Variants in HPSE2 observed in about 807,000 individuals in gnomAD.
HPSE2 encodes inactive heparanase-2.
In HPSE2, 38 loss-of-function variants were observed where a neutral mutation model predicts 60.5. That is an observed-to-expected ratio of 0.63 (90% confidence interval 0.48 to 0.82). The LOEUF (loss-of-function observed/expected upper bound fraction) is 0.82. Ranked by LOEUF, HPSE2 falls within the 40% of genes least tolerant of loss-of-function variation. The pLI is 0.00. For missense variants in HPSE2, 713 were observed against 740.4 expected, an observed-to-expected ratio of 0.96 and a Z score of 0.43; for synonymous variants, 295 against 293.2, an observed-to-expected ratio of 1.01 and a Z score of -0.06.
chr10:99,283,537 T>C, the HPSE2 span, among the ~76,000 whole-genome samples: 1 of 151,650 alleles, frequency 6.6e-6, no homozygotes, highest in Non-Finnish European at 1.5e-5. Context: ...AAAATTTTTT[T>C]AAAGGGAAAA....
chr10:99,027,660 ACACCACCACCACCACTACCACCACCAC>A (rs1018664814), intron 3 of HPSE2, among the ~76,000 whole-genome samples: 4 of 138,994 alleles, frequency 2.9e-5, no homozygotes, highest in South Asian at 2.4e-4. Flanking sequence ...CACATGACAA[ACACCACCACCACCACTACCACCACCAC>A]CACCACCACC....
chr10:98,804,208 T>G (rs1156842776), intron 3 of HPSE2, among the ~76,000 whole-genome samples: 2 of 152,178 alleles, frequency 1.3e-5, no homozygotes, highest in Non-Finnish European at 2.9e-5. Flanking sequence ...CTTATCAGCT[T>G]AAGGAGATTT....
intron 3 of HPSE2, chr10:99,013,752 G>A (rs1249261716): frequency 2.9e-5 from 7 of 239,806 alleles, no homozygotes; most frequent in Admixed American, 1.6e-4. Context: ...GATTACAGGC[G>A]TGAGCTACCA....
chr10:99,205,160 T>C (rs1388592305), intron 2 of HPSE2, among the ~76,000 whole-genome samples: 1 of 152,198 alleles, frequency 6.6e-6, no homozygotes, highest in African/African-American at 2.4e-5. Flanking sequence ...ATTTGGGTAC[T>C]GGGTATTCTA....
At chr10:98,596,857 G>A (rs1220927091) in intron 9 of HPSE2, among the ~76,000 whole-genome samples, 1 of 151,012 alleles carries the variant, frequency 6.6e-6, no homozygotes, top group East Asian at 2.0e-4. Context: ...AATCTGACTG[G>A]AGACTGTATT....
chr10:98,555,593 G>A (rs575063617), intron 9 of HPSE2, among the ~76,000 whole-genome samples: 1 of 152,254 alleles, frequency 6.6e-6, no homozygotes, highest in South Asian at 2.1e-4. Context: ...AAGCAAATAA[G>A]CCCACGTGAT....
At chr10:98,981,052 G>A (rs1458231551) in intron 3 of HPSE2, among the ~76,000 whole-genome samples, 3 of 151,992 alleles carry the variant, frequency 2.0e-5, no homozygotes, top group African/African-American at 7.3e-5. Flanking sequence ...ATGTTACATG[G>A]CAACGTTCCA....
At chr10:99,058,224 C>A (rs1011310564) in intron 3 of HPSE2, among the ~76,000 whole-genome samples, 1 of 152,174 alleles carries the variant, frequency 6.6e-6, no homozygotes, top group African/African-American at 2.4e-5. Context: ...ATCTGCTTTC[C>A]CCAGGTGATC....
At chr10:98,938,649 G>T (rs1215993450) in intron 3 of HPSE2, among the ~76,000 whole-genome samples, 1 of 144,066 alleles carries the variant, frequency 6.9e-6, no homozygotes, top group Non-Finnish European at 1.5e-5. Flanking sequence ...CAACCAAGTT[G>T]GAAAACCCTC....
intron 3 of HPSE2, among the ~76,000 whole-genome samples, chr10:99,094,540 A>ATATATATATATATTTTTTT (rs1843646305): frequency 7.5e-5 from 2 of 26,612 alleles, no homozygotes; most frequent in African/African-American, 1.7e-4. Flanking sequence ...ATATATATAT[A>ATATATATATATATTTTTTT]TTTTTTTTTT....
At chr10:98,588,750 G>C (rs1413743404) in intron 9 of HPSE2, among the ~76,000 whole-genome samples, 6 of 151,884 alleles carry the variant, frequency 4.0e-5, no homozygotes, top group Non-Finnish European at 7.4e-5. Flanking sequence ...CAAGTAATCA[G>C]GGATGGGGAT....
In HPSE2 at chr10:98,804,771, C is replaced by T. The variant is rs147287374; in HGVS notation, c.611-60715G>A. Among the ~76,000 whole-genome samples the T allele has an allele frequency of 2.5e-3, 387 of 152,252 alleles. 2 individuals carry two copies. Among genetic ancestry groups the T allele is most frequent in the Middle Eastern group, 0.02 (6 of 294 alleles). The stretch of plus-strand genomic sequence containing the variant: ...AGAGCTACTATAGGATTCAGCAATC[C>T]CATTGCTGGGTATATACCCAAAAGA... On this transcript the variant is annotated intron_variant, in intron 3 of 11. Transcript: ENST00000370552.
the HPSE2 span, among the ~76,000 whole-genome samples, chr10:99,298,223 A>G: frequency 6.6e-6 from 1 of 152,232 alleles, no homozygotes; most frequent in South Asian, 2.1e-4. Context: ...CTATCTGTTT[A>G]GCCCATCTCT....
chr10:98,537,803 T>G (rs532062061), intron 9 of HPSE2, among the ~76,000 whole-genome samples: 1 of 152,250 alleles, frequency 6.6e-6, no homozygotes, highest in Non-Finnish European at 1.5e-5. Flanking sequence ...CAGGCCTGCC[T>G]GCAGTCATCC....
intron 3 of HPSE2, among the ~76,000 whole-genome samples, chr10:99,085,716 T>G (rs1843292502): frequency 6.6e-6 from 1 of 152,244 alleles, no homozygotes; most frequent in Non-Finnish European, 1.5e-5. Context: ...TATCCTGTTA[T>G]GGACTGAGAT....
Position 98,721,704 on chromosome 10 carries a change from G to A in HPSE2, c.909C>T (p.Gly303=), listed in dbSNP as rs1394586366. 2.5e-6 allele frequency: 4 copies of A among 1,613,542 alleles called. No homozygotes were observed. In the African/African-American group the frequency reaches 5.3e-5, roughly 22 times the overall value. Residue 303 remains glycine (G), a synonymous_variant, in exon 5 of 12, where the codon GGC becomes GGT. Coordinates refer to ENST00000370552, the MANE Select transcript of HPSE2 (RefSeq NM_021828.5). ...IRIYSRASLY[G]PNIGRPRKNV... The stretch of plus-strand genomic sequence containing the variant: ...TCTTCCTCGGCCGCCCAATATTAGG[G>A]CCATATAAGCTGGCTCTGGAATAAA...
the HPSE2 span, among the ~76,000 whole-genome samples, chr10:99,244,241 T>C: frequency 5.9e-5 from 9 of 151,646 alleles, no homozygotes; most frequent in African/African-American, 2.2e-4. Context: ...ATGGTCTCAA[T>C]CTCCTGACCT....
intron 9 of HPSE2, among the ~76,000 whole-genome samples, chr10:98,585,212 T>G (rs956875386): frequency 1.5e-4 from 23 of 151,996 alleles, no homozygotes; most frequent in African/African-American, 4.1e-4. Flanking sequence ...TTATAATCAG[T>G]AAGAAAGGTA....
At chr10:99,297,887 G>A in the HPSE2 span, among the ~76,000 whole-genome samples, 1 of 152,108 alleles carries the variant, frequency 6.6e-6, no homozygotes, top group African/African-American at 2.4e-5. Context: ...CTATAGTATT[G>A]TGGGTTATAG....
Sources: gnomAD v4.1 joint callset for allele counts (sites outside exome capture counted in the v4.1 genomes callset) on GRCh38, gnomAD v4.1.1 for gene constraint, MANE v1.5 for transcripts, NCBI Gene and HGNC (gene_info 2026-07-23, HGNC 2026-07-21) for gene names.